CD244: variants seen among roughly 807,000 people sequenced by gnomAD.
The protein encoded by CD244 is natural killer cell receptor 2B4.
Under a neutral mutation model 45.5 loss-of-function variants are expected in CD244, and 20 were observed. That is an observed-to-expected ratio of 0.44 (90% CI 0.31 to 0.64). The LOEUF is 0.64. Ranked by LOEUF, CD244 falls within the 30% of genes least tolerant of loss-of-function variation. The pLI is 0.08. For synonymous variants in CD244, 185 were observed against 160.5 expected (o/e 1.15, Z -1.15); for missense variants, 407 against 426.9 (o/e 0.95, Z 0.41).
chr1:160,835,026 C>G (rs898227936), intron 6 of CD244, among the ~76,000 whole-genome samples: 6 of 152,212 alleles, frequency 3.9e-5, no homozygotes, highest in Non-Finnish European at 8.8e-5. Flanking sequence ...CAGATATCAA[C>G]CGCTCTTATA....
rs1196087766 is a variant in CD244, at chr1:160,830,886, A to G, written c.*461T>C. On this transcript the variant is annotated 3_prime_UTR_variant, in exon 9 of 9. Transcript: ENST00000368034. ...GCCGGACAGTCCAGGCTTTCAGAGG[A>G]GGGCTGTTTCTTCTTCCCCTGAGTC... 1 of 159,716 alleles carries G rather than the reference A, an allele frequency of 6.3e-6. No homozygotes were observed. Among genetic ancestry groups the G allele is most frequent in the Non-Finnish European group, 1.4e-5 (1 of 72,020 alleles). The allele number at this position is 159,716 out of a possible 1,614,324, so 9.9% of individuals were successfully genotyped here.
Position 160,834,045 on chromosome 1 carries a change from G to A in CD244, c.960+6C>T. 2 of 1,604,718 alleles carry A rather than the reference G, an allele frequency of 1.2e-6. No homozygotes were observed. Among genetic ancestry groups the A allele is most frequent in the Non-Finnish European group, 1.7e-6 (2 of 1,171,458 alleles). On this transcript the variant is annotated splice_donor_region_variant and intron_variant, in intron 7 of 8. Transcript: ENST00000368034. ...CACCCCACCACCACCACGGGAAGAG[G>A]CTCACCTTCCTGGAAGGCTGAATTA...
intron 1 of CD244, among the ~76,000 whole-genome samples, chr1:160,859,831 G>T (rs1435268365): frequency 6.6e-6 from 1 of 150,838 alleles, no homozygotes; most frequent in African/African-American, 2.4e-5. Flanking sequence ...GATGGCTTGA[G>T]CCTGCGAGGT....
chr1:160,862,552 T>C, intron 1 of CD244, 65 bp downstream of exon 1: 1 of 1,454,144 alleles, frequency 6.9e-7, no homozygotes, highest in Non-Finnish European at 9.6e-7. Flanking sequence ...GCTCTGGCTC[T>C]GATCTCCCTG....
intron 1 of CD244, among the ~76,000 whole-genome samples, chr1:160,861,158 C>T (rs187809726): frequency 8.3e-4 from 126 of 151,970 alleles, no homozygotes; most frequent in Admixed American, 1.2e-3. Flanking sequence ...GATCCTTAGA[C>T]CAGGTTCCAA....
At chr1:160,838,304 T>G (rs1669401868) in intron 5 of CD244, 147 bp downstream of exon 5, 1 of 707,934 alleles carries the variant, frequency 1.4e-6, no homozygotes. Context: ...AGGAAGCAGG[T>G]GGAGAAAAGA....
intron 1 of CD244, 54 bp from the exon 2 acceptor site, chr1:160,841,955 A>G (rs1027064596): frequency 6.6e-7 from 1 of 1,514,014 alleles, no homozygotes; most frequent in Non-Finnish European, 9.1e-7. Context: ...GGCCTGAGCA[A>G]TGTGGGCAGC....
At chr1:160,837,196 G>C (rs534106321) in intron 5 of CD244, among the ~76,000 whole-genome samples, 9 of 152,328 alleles carry the variant, frequency 5.9e-5, no homozygotes, top group African/African-American at 1.9e-4. Context: ...AGGAGCTCTT[G>C]AGTCGGAAGA....
In CD244 at chr1:160,841,417, G is replaced by C. The variant is rs1669536985; in HGVS notation, c.448C>G (p.Leu150Val). 5.6e-6 allele frequency: 9 copies of C among 1,614,216 alleles called. No individual in the cohort carries two copies. The highest frequency in any genetic ancestry group is 7.6e-6 in the Non-Finnish European group (9 of 1,180,038). Residue 150 changes from leucine to valine, a missense_variant, in exon 3 of 9, where the codon CTG becomes GTG. Physicochemically the swap from Leu to Val is conservative, Grantham distance 32 (BLOSUM62 1). Coordinates refer to ENST00000368034, the MANE Select transcript of CD244 (RefSeq NM_016382.4). Reference sequence around the variant, plus strand: ...CCATCCCTGGAGACCAAGCAAGACAGAGCCACTTGGCATCTCCCTCTGTCC... The same window carrying C: ...CCATCCCTGGAGACCAAGCAAGACACAGCCACTTGGCATCTCCCTCTGTCC... ...ILDRGRCQVA[L>V]SCLVSRDGNV... is the part of the protein sequence containing the mutation.
At chr1:160,847,347 T>C (rs1475999965) in intron 1 of CD244, among the ~76,000 whole-genome samples, 1 of 151,876 alleles carries the variant, frequency 6.6e-6, no homozygotes, top group Non-Finnish European at 1.5e-5. Flanking sequence ...ATTAAACCAA[T>C]ATATATATAA....
In CD244 at chr1:160,862,750, C is replaced by A; in HGVS notation, c.-73G>T. The A allele has an allele frequency of 7.2e-7, 1 of 1,381,228 alleles. No individual in the cohort carries two copies. The highest frequency in any genetic ancestry group is 2.3e-5 in the East Asian group (1 of 42,784). 85.6% of individuals were successfully genotyped at this position (1,381,228 alleles called of 1,614,324 possible). A position where few individuals can be genotyped will look rare whatever the true frequency, so the allele number is the denominator to read the frequency against. ...CTCTGCCGTGCACGGGCTCAGCAGT[C>A]CCCAGTCAGCAAGAGGACGATGGGG... On this transcript the variant is annotated 5_prime_UTR_variant, in exon 1 of 9. Transcript: ENST00000368034.
At chr1:160,837,222 C>T (rs1243845039) in intron 5 of CD244, among the ~76,000 whole-genome samples, 1 of 152,188 alleles carries the variant, frequency 6.6e-6, no homozygotes, top group Non-Finnish European at 1.5e-5. Flanking sequence ...GCTAATAGGC[C>T]TGAATCCCAA....
intron 6 of CD244, among the ~76,000 whole-genome samples, chr1:160,835,179 C>T (rs1284910138): frequency 1.3e-5 from 2 of 151,962 alleles, no homozygotes; most frequent in South Asian, 2.1e-4. Context: ...GGAGAGATGT[C>T]CCAGCCTGGG....
chr1:160,836,857 T>C (rs1432833458), intron 5 of CD244, among the ~76,000 whole-genome samples: 2 of 152,188 alleles, frequency 1.3e-5, no homozygotes, highest in Non-Finnish European at 2.9e-5. Context: ...TGGGTTCTAC[T>C]GGGAGCCAGT....
intron 1 of CD244, among the ~76,000 whole-genome samples, chr1:160,861,902 C>T (rs148767457): frequency 6.6e-5 from 10 of 152,196 alleles, no homozygotes; most frequent in East Asian, 5.8e-4. Flanking sequence ...AAATTAAATG[C>T]GGGATCCAGG....
Position 160,841,896 on chromosome 1 carries a change from G to A in CD244, c.67C>T (p.Gln23Ter). Reference sequence around the variant, plus strand: ...CTAACCACATGGTCAGCTGATCCCTGGCATCCTAGGAAAGAGAACCCAAGC... The same window carrying A: ...CTAACCACATGGTCAGCTGATCCCTAGCATCCTAGGAAAGAGAACCCAAGC... Reference protein sequence around the residue: ...LLKVYQGKGCQGSADHVVSIS... With the variant: ...LLKVYQGKGC The change falls in exon 2 of 9, where the codon CAG becomes TAG. Residue 23 changes from glutamine to a stop codon, truncating the protein, a stop_gained. Transcript: ENST00000368034. LOFTEE classifies it high-confidence loss of function. The A allele has an allele frequency of 1.2e-6, 2 of 1,613,326 alleles. No individual in the cohort carries two copies. The highest frequency in any genetic ancestry group is 1.7e-6 in the Non-Finnish European group (2 of 1,179,506).
Position 160,842,101 on chromosome 1 carries a change from A to C in CD244, c.62-200T>G, listed in dbSNP as rs186797650. Among the ~76,000 whole-genome samples the C allele has an allele frequency of 3.9e-5, 6 of 152,318 alleles. No individual in the cohort carries two copies. In the East Asian group the frequency reaches 1.2e-3, roughly 29 times the overall value. On this transcript the variant is annotated intron_variant, in intron 1 of 8. Transcript: ENST00000368034. ...CTGTGTCCCTAGTCTGAGGGATCCC[A>C]TAGACCAATAGCTAAAATCTTGAGT...
chr1:160,835,794 AAG>A (rs1243361055), intron 6 of CD244, among the ~76,000 whole-genome samples: 4 of 152,252 alleles, frequency 2.6e-5, no homozygotes, highest in African/African-American at 9.6e-5. Context: ...AATAAAATAA[AAG>A]AGATCAATGC....
chr1:160,847,875 A>G (rs1669789112), intron 1 of CD244: 1 of 153,922 alleles, frequency 6.5e-6, no homozygotes, highest in Non-Finnish European at 1.4e-5. Context: ...GCTAACTTCA[A>G]TAAAATAAAA....
Sources: allele counts gnomAD v4.1 joint callset (sites outside exome capture counted in the v4.1 genomes callset), GRCh38; gene constraint gnomAD v4.1.1; transcripts MANE v1.5; gene names NCBI Gene and HGNC (gene_info 2026-07-23, HGNC 2026-07-21).